STEAP3: variants seen among roughly 807,000 people sequenced by gnomAD.
STEAP3 encodes the protein metalloreductase STEAP3.
A neutral mutation model predicts 34.9 loss-of-function variants in STEAP3; 35 were observed. The ratio of observed to expected loss-of-function variants is 1.00; its 90% CI spans 0.76 to 1.33. The LOEUF (loss-of-function observed/expected upper bound fraction) is 1.33. Among genes scored for constraint, STEAP3 ranks in the 40% most tolerant of loss-of-function variants. The probability of loss-of-function intolerance (pLI) is 0.00; values close to 1 mark genes in which losing one functional copy is unlikely to be tolerated. For synonymous variants in STEAP3, 281 were observed against 301.6 expected (o/e 0.93, Z 0.71); for missense variants, 652 against 667.6 (o/e 0.98, Z 0.26).
At position 119,263,255 on chromosome 2, in the gene STEAP3, C is replaced by A. The variant is rs760495654; in HGVS notation, c.1414C>A (p.Arg472=). 3 of 1,614,110 alleles carry A rather than the reference C, an allele frequency of 1.9e-6. No individual in the cohort carries two copies. Among genetic ancestry groups the A allele is most frequent in the Non-Finnish European group, 2.5e-6 (3 of 1,180,032 alleles). ...PCISRRLARI[R]RGWERESTIK... ...CATCAGCCGCAGACTCGCCAGGATC[C>A]GGAGAGGCTGGGAGAGGGAGAGCAC... The change falls in exon 6 of 6, where the codon CGG becomes AGG. Residue 472 remains arginine (R), a synonymous_variant. Coordinates refer to ENST00000393110, the MANE Select transcript of STEAP3 (RefSeq NM_182915.3).
chr2:119,229,108 A>C (rs1679135411), intron 1 of STEAP3, among the ~76,000 whole-genome samples: 1 of 152,008 alleles, frequency 6.6e-6, no homozygotes, highest in East Asian at 1.9e-4. Flanking sequence ...CACCCACTTA[A>C]ACTGCCCGGG....
chr2:119,234,007 G>T (rs987078345), intron 2 of STEAP3, among the ~76,000 whole-genome samples: 3 of 152,224 alleles, frequency 2.0e-5, no homozygotes, highest in African/African-American at 7.2e-5. Context: ...CCACTGAGGG[G>T]CAGGGGAGGG....
Position 119,247,783 on chromosome 2 carries a change from G to T in STEAP3, c.627G>T (p.Trp209Cys), listed in dbSNP as rs1405591974. 1 of 1,609,346 alleles carries T rather than the reference G, an allele frequency of 6.2e-7. No homozygotes were observed. The highest frequency in any genetic ancestry group is 1.3e-5 in the African/African-American group (1 of 75,060). Residue 209 changes from tryptophan (W) to cysteine (C), a missense_variant, in exon 4 of 6, where the codon TGG becomes TGT. Transcript: ENST00000393110. ...ACATGGGATCCCTGGCGTCAGCCTGGGAGGTGGAGGCCATGCCCCTGCGCC... is the reference window on the plus strand; with the variant it reads ...ACATGGGATCCCTGGCGTCAGCCTGTGAGGTGGAGGCCATGCCCCTGCGCC... ...PVDMGSLASA[W>C]EVEAMPLRLL...
Position 119,245,629 on chromosome 2 carries a change from A to G in STEAP3, c.163A>G (p.Thr55Ala). The change falls in exon 3 of 6, where the codon ACA (threonine) becomes GCA (alanine). Residue 55 changes from threonine (T) to alanine (A), a missense_variant. Coordinates refer to ENST00000393110, the MANE Select transcript of STEAP3 (RefSeq NM_182915.3). ...CGGGGACTTTGCCCGCTCCCTGGCC[A>G]CACGCCTGGTGGGCTCTGGCTTCAA... Reference protein sequence around the residue: ...GSGDFARSLATRLVGSGFKVV... With the variant: ...GSGDFARSLAARLVGSGFKVV... 6.2e-7 allele frequency: 1 copy of G among 1,610,454 alleles called. No individual in the cohort carries two copies. The highest frequency in any genetic ancestry group is 1.1e-5 in the South Asian group (1 of 91,044).
intron 1 of STEAP3, among the ~76,000 whole-genome samples, chr2:119,228,102 T>C (rs1405922124): frequency 1.3e-5 from 2 of 152,166 alleles, no homozygotes; most frequent in Non-Finnish European, 2.9e-5. Flanking sequence ...AGTGCTGGGA[T>C]TACAGGTGTG....
intron 2 of STEAP3, among the ~76,000 whole-genome samples, chr2:119,236,524 G>A (rs1011912017): frequency 2.6e-5 from 4 of 152,196 alleles, no homozygotes; most frequent in African/African-American, 4.8e-5. Context: ...GCTGCATTGT[G>A]GGGAGTGGCC....
chr2:119,238,461 T>A (rs534083498), intron 2 of STEAP3, among the ~76,000 whole-genome samples: 6 of 152,242 alleles, frequency 3.9e-5, no homozygotes, highest in Non-Finnish European at 8.8e-5. Flanking sequence ...TCCAGTCTTT[T>A]GCCCACTTTA....
chr2:119,257,152 A>C (rs1034491249), intron 5 of STEAP3, among the ~76,000 whole-genome samples: 2 of 152,230 alleles, frequency 1.3e-5, no homozygotes, highest in Non-Finnish European at 2.9e-5. Context: ...GCATTTTAAA[A>C]ATGAAATAAA....
intron 4 of STEAP3, among the ~76,000 whole-genome samples, chr2:119,250,325 GCT>G (rs1677584191): frequency 1.3e-5 from 2 of 152,226 alleles, no homozygotes; most frequent in African/African-American, 4.8e-5. Flanking sequence ...AAGGCTAGAG[GCT>G]GGACTCCTGC....
At chr2:119,233,102 G>C (rs1400096586) in intron 2 of STEAP3, among the ~76,000 whole-genome samples, 1 of 152,230 alleles carries the variant, frequency 6.6e-6, no homozygotes. Context: ...AATGGCAGCA[G>C]CTGGGCCTCA....
At chr2:119,246,619 T>C (rs1298550308) in intron 3 of STEAP3, 4 of 155,206 alleles carry the variant, frequency 2.6e-5, no homozygotes, top group Non-Finnish European at 2.9e-5. Context: ...CTTCCACCAG[T>C]GAGTCGAGCC....
At chr2:119,229,703 G>A (rs773734378) in intron 1 of STEAP3, among the ~76,000 whole-genome samples, 2 of 152,148 alleles carry the variant, frequency 1.3e-5, no homozygotes, top group Non-Finnish European at 2.9e-5. Flanking sequence ...GATGGCAGGT[G>A]CCTTAAGTGC....
intron 1 of STEAP3, among the ~76,000 whole-genome samples, 173 bp downstream of exon 1, chr2:119,224,061 C>A (rs1456767745): frequency 6.6e-6 from 1 of 152,228 alleles, no homozygotes; most frequent in East Asian, 1.9e-4. Flanking sequence ...GCAGAGAAAC[C>A]GGGTTCCGGG....
intron 1 of STEAP3, among the ~76,000 whole-genome samples, chr2:119,226,622 C>G (rs1277669512): frequency 6.6e-6 from 1 of 152,068 alleles, no homozygotes; most frequent in East Asian, 1.9e-4. Flanking sequence ...CATTGGGCTA[C>G]AGAAGTCCCT....
intron 4 of STEAP3, among the ~76,000 whole-genome samples, chr2:119,253,702 G>A (rs1204266257): frequency 2.6e-5 from 4 of 152,154 alleles, no homozygotes; most frequent in Non-Finnish European, 4.4e-5. Context: ...TTCCTCATGA[G>A]GGCACTATGC....
intron 5 of STEAP3, among the ~76,000 whole-genome samples, chr2:119,259,883 C>T (rs1372210134): frequency 6.6e-6 from 1 of 152,194 alleles, no homozygotes; most frequent in Non-Finnish European, 1.5e-5. Flanking sequence ...TCCAGGTCTT[C>T]CTCAGGCAAG....
chr2:119,242,138 G>A (rs1165534628), intron 2 of STEAP3, among the ~76,000 whole-genome samples: 1 of 152,206 alleles, frequency 6.6e-6, no homozygotes, highest in Non-Finnish European at 1.5e-5. Flanking sequence ...ATGCTTAGGA[G>A]TGTTCAGCAC....
chr2:119,245,706 A>C lies in STEAP3; in HGVS notation c.240A>C (p.Ser80=). The C allele has an allele frequency of 1.2e-6, 2 of 1,614,168 alleles. No individual in the cohort carries two copies. The highest frequency in any genetic ancestry group is 1.7e-6 in the Non-Finnish European group (2 of 1,180,026). ...NPKRTARLFP[S]AAQVTFQEEA... ...AACGCACAGCCAGGCTGTTTCCCTC[A>C]GCGGCCCAAGTGACTTTCCAAGAGG... Residue 80 remains serine, a synonymous_variant, in exon 3 of 6, where the codon TCA becomes TCC. Transcript: ENST00000393110.
At chr2:119,228,226 T>C (rs1322683760) in intron 1 of STEAP3, among the ~76,000 whole-genome samples, 3 of 152,134 alleles carry the variant, frequency 2.0e-5, no homozygotes, top group Admixed American at 6.5e-5. Flanking sequence ...AGTAACAGTA[T>C]ACCCCCAGTC....
Sources: gnomAD v4.1 joint callset for allele counts (sites outside exome capture counted in the v4.1 genomes callset) on GRCh38, gnomAD v4.1.1 for gene constraint, MANE v1.5 for transcripts, NCBI Gene and HGNC (gene_info 2026-07-23, HGNC 2026-07-21) for gene names.